ZAN: variants seen among roughly 807,000 people sequenced by gnomAD.
ZAN encodes the protein zonadhesin.
Under a neutral mutation model 286.2 loss-of-function variants are expected in ZAN, and 260 were observed. The observed-to-expected ratio is 0.91, with a 90% CI of 0.82 to 1.01. The LOEUF (loss-of-function observed/expected upper bound fraction) is 1.01. ZAN is among the 50% of genes least tolerant of loss of function. The pLI is 0.00. For synonymous variants in ZAN, 1,368 were observed against 1,417.5 expected, an observed-to-expected ratio of 0.97 and a Z score of 0.79; for missense variants, 3,410 against 3,639.2, an observed-to-expected ratio of 0.94 and a Z score of 1.62.
chr7:100,775,878 G>A (rs1227704840), intron 33 of ZAN, 45 bp downstream of exon 33: 20 of 1,598,978 alleles, frequency 1.3e-5, no homozygotes, highest in Non-Finnish European at 1.7e-5. Context: ...GCAGCCCCAG[G>A]GAGATTGGTG....
chr7:100,748,546 G>C (rs1808395994), intron 11 of ZAN, 76 bp downstream of exon 11: 1 of 1,526,264 alleles, frequency 6.6e-7, no homozygotes, highest in East Asian at 2.4e-5. Context: ...TGCTGTGACT[G>C]ATGGGAGACG....
chr7:100,745,772 C>G (rs551947355), intron 7 of ZAN, among the ~76,000 whole-genome samples: 1 of 151,444 alleles, frequency 6.6e-6, no homozygotes, highest in South Asian at 2.1e-4. Flanking sequence ...ACCTGGAGTC[C>G]CAGCTACTCA....
chr7:100,782,691 G>T lies in ZAN; in HGVS notation c.6623-1932G>T, dbSNP rs1262242277. On this transcript the variant is annotated intron_variant, in intron 35 of 47. Transcript: ENST00000613979. ...TTAAGTGGGTTTTTTTTGTGTGTGT[G>T]TGTGTGTGTGTATTTAAGTTTTTGA... Among the ~76,000 whole-genome samples, 141 of 150,724 alleles carry T rather than the reference G, an allele frequency of 9.4e-4. 1 individual carries two copies. Among genetic ancestry groups the T allele is most frequent in the East Asian group, 2.1e-3 (11 of 5,130 alleles).
intron 33 of ZAN, 60 bp from the exon 34 acceptor site, chr7:100,776,380 G>A (rs1810786066): frequency 3.3e-6 from 5 of 1,534,526 alleles, no homozygotes; most frequent in Non-Finnish European, 4.4e-6. Flanking sequence ...AAGAAGGAAG[G>A]AAGGGAGAAA....
Position 100,790,984 on chromosome 7 carries a change from T to C in ZAN, c.7400T>C (p.Leu2467Pro), listed in dbSNP as rs748793467. The C allele has an allele frequency of 3.1e-6, 5 of 1,611,886 alleles. No homozygotes were observed. The African/African-American group carries it at 5.4e-5, about 17-fold the overall frequency. Residue 2467 changes from leucine (L) to proline (P), a missense_variant, in exon 40 of 48, where the codon CTG (leucine) becomes CCG (proline). Leu to Pro is a moderately conservative substitution (Grantham distance 98, BLOSUM62 -3). This residue lies in a region of ZAN where 1,289 missense variants were observed against 1,314.3 expected (regional missense o/e 0.98). Coordinates refer to ENST00000613979, the MANE Select transcript of ZAN (RefSeq NM_003386.3). ...PSMYEGLVSG[L>P]CGNYDKNRKN... ...ATGTACGAGGGGCTTGTGAGTGGCC[T>C]GTGCGGAAACTACGACAAGAACCGC...
intron 19 of ZAN, among the ~76,000 whole-genome samples, chr7:100,761,451 A>C (rs1809573549): frequency 6.6e-6 from 1 of 151,824 alleles, no homozygotes; most frequent in African/African-American, 2.4e-5. Context: ...ACCAGCCTGG[A>C]CAACATAGTG....
Position 100,776,577 on chromosome 7 carries a change from T to G in ZAN, c.6317+13T>G. 3 of 1,537,194 alleles carry G rather than the reference T, an allele frequency of 2.0e-6. No individual in the cohort carries two copies. Among genetic ancestry groups the G allele is most frequent in the South Asian group, 2.4e-5 (2 of 82,392 alleles). On this transcript the variant is annotated intron_variant, in intron 34 of 47. Coordinates refer to ENST00000613979, the MANE Select transcript of ZAN (RefSeq NM_003386.3). ...ACATTGACCCAAGGTAGTGGTCCCC[T>G]AAGACCCTCTAGGTTTTCTTTCTTT...
intron 27 of ZAN, 141 bp downstream of exon 27, chr7:100,768,862 T>A: frequency 1.5e-6 from 1 of 665,566 alleles, no homozygotes; most frequent in Non-Finnish European, 2.4e-6. Flanking sequence ...CAATCTCTCC[T>A]GTTTAGACTC....
rs80160319 is a variant in ZAN, at chr7:100,765,052, C to T, written c.4268-300C>T. Among the ~76,000 whole-genome samples, 116 of 152,260 alleles carry T rather than the reference C, an allele frequency of 7.6e-4. 1 individual carries two copies. The highest frequency in any genetic ancestry group is 2.5e-3 in the African/African-American group (104 of 41,570). ...CTGACTCAGACCTCACAGGTGGCCC[C>T]GGTCCCCTGCGGGCCAACAGCTCAC... is the stretch of plus-strand genomic sequence containing the variant. On this transcript the variant is annotated intron_variant, in intron 22 of 47. Coordinates refer to ENST00000613979, the MANE Select transcript of ZAN (RefSeq NM_003386.3).
At chr7:100,762,403 C>A in intron 20 of ZAN, 45 bp downstream of exon 20, 1 of 1,524,956 alleles carries the variant, frequency 6.6e-7, no homozygotes, top group South Asian at 1.3e-5. Flanking sequence ...AGGTTCCGTC[C>A]CCTTCCTGGA....
In ZAN at chr7:100,779,586, G is replaced by A. The variant is rs1159903537; in HGVS notation, c.6458G>A (p.Cys2153Tyr). Residue 2153 changes from cysteine (C) to tyrosine (Y), a missense_variant, in exon 35 of 48, where the codon TGC (cysteine) becomes TAC (tyrosine). Cys to Tyr is a radical substitution (Grantham distance 194). Coordinates refer to ENST00000613979, the MANE Select transcript of ZAN (RefSeq NM_003386.3). ...AALRAPVWAQ[C>Y]ASRIDLTPFL... ...CTCCGGGCTCCTGTGTGGGCCCAGT[G>A]CGCCTCCCGCATAGACCTCACGCCC... 6.2e-7 allele frequency: 1 copy of A among 1,609,458 alleles called. No individual in the cohort carries two copies. The highest frequency in any genetic ancestry group is 8.5e-7 in the Non-Finnish European group (1 of 1,178,112).
At chr7:100,775,926 G>A in intron 33 of ZAN, 93 bp downstream of exon 33, 1 of 1,487,332 alleles carries the variant, frequency 6.7e-7, no homozygotes, top group South Asian at 1.3e-5. Flanking sequence ...CATCGTGCCT[G>A]CCCAAAGAGG....
intron 15 of ZAN, among the ~76,000 whole-genome samples, 158 bp downstream of exon 15, chr7:100,755,568 A>G (rs1364495004): frequency 6.6e-6 from 1 of 152,052 alleles, no homozygotes; most frequent in East Asian, 1.9e-4. Flanking sequence ...GAAGTTATTC[A>G]TTCAATCTTT....
In ZAN at chr7:100,784,622, G is replaced by A. The variant is rs551677451; in HGVS notation, c.6623-1G>A. On this transcript the variant is annotated splice_acceptor_variant, in intron 35 of 47. Coordinates refer to ENST00000613979, the MANE Select transcript of ZAN (RefSeq NM_003386.3). LOFTEE classifies it high-confidence loss of function. The stretch of plus-strand genomic sequence containing the variant: ...TGACCCACTGTCTCCTTCACCCACA[G>A]CTCTGGAATGCCCTGCCTACAGCAG... 2 of 1,613,350 alleles carry A rather than the reference G, an allele frequency of 1.2e-6. No individual in the cohort carries two copies. Among genetic ancestry groups the A allele is most frequent in the Admixed American group, 1.7e-5 (1 of 59,960 alleles).
At chr7:100,737,981 A>G (rs2115600352) in intron 6 of ZAN, among the ~76,000 whole-genome samples, 1 of 138,746 alleles carries the variant, frequency 7.2e-6, no homozygotes, top group African/African-American at 2.7e-5. Context: ...TTTGAGACGG[A>G]ATTTCACTCT....
At position 100,797,643 on chromosome 7, in the gene ZAN, C is replaced by A. The variant is rs781680732; in HGVS notation, c.8413+20C>A. 41 of 1,613,832 alleles carry A rather than the reference C, an allele frequency of 2.5e-5. No individual in the cohort carries two copies. The highest frequency in any genetic ancestry group is 2.9e-5 in the Non-Finnish European group (34 of 1,179,902). ...ACACAGGTGAGAACCAACCCCACAG[C>A]CCGGAACCTCGGGGCCTAGAGTTGA... On this transcript the variant is annotated intron_variant, in intron 47 of 47. Transcript: ENST00000613979.
chr7:100,781,885 C>T (rs963307875), intron 35 of ZAN, among the ~76,000 whole-genome samples: 1 of 152,148 alleles, frequency 6.6e-6, no homozygotes, highest in African/African-American at 2.4e-5. Context: ...GGTGATCCAC[C>T]TGCCTCAAGC....
At chr7:100,751,505 C>T (rs1394072588) in intron 13 of ZAN, among the ~76,000 whole-genome samples, 1 of 152,132 alleles carries the variant, frequency 6.6e-6, no homozygotes, top group Non-Finnish European at 1.5e-5. Context: ...CCTCTGCAGT[C>T]TTGAAGGCTG....
chr7:100,789,926 C>A (rs980097811), intron 39 of ZAN, among the ~76,000 whole-genome samples: 2 of 151,574 alleles, frequency 1.3e-5, no homozygotes, highest in African/African-American at 4.8e-5. Flanking sequence ...GCCTGGGTGA[C>A]AAGAGCAAAA....
Sources: gnomAD v4.1 joint callset for allele counts (sites outside exome capture counted in the v4.1 genomes callset) on GRCh38, gnomAD v4.1.1 for gene constraint, gnomAD v4.1.1 regional missense constraint, MANE v1.5 for transcripts, NCBI Gene and HGNC (gene_info 2026-07-23, HGNC 2026-07-21) for gene names.